Variants in GFM2 observed in about 807,000 individuals in gnomAD.
GFM2 encodes GTP dependent ribosome recycling factor mitochondrial 2.
GFM2 carries 72 observed loss-of-function variants against 95.4 expected under a neutral mutation model. The observed-to-expected ratio is 0.76, with a 90% CI of 0.62 to 0.92. GFM2 has a LOEUF of 0.92. Among genes scored for constraint, GFM2 ranks in the 40% least tolerant of loss-of-function variants. The pLI, the probability that GFM2 is intolerant of heterozygous loss-of-function variation, is 0.00. For synonymous variants in GFM2, 276 were observed against 317.5 expected (o/e 0.87, Z 1.39); for missense variants, 825 against 924.1 (o/e 0.89, Z 1.39).
intron 5 of GFM2, among the ~76,000 whole-genome samples, chr5:74,751,830 A>G (rs1300549659): frequency 6.6e-6 from 1 of 152,150 alleles, no homozygotes; most frequent in Non-Finnish European, 1.5e-5. Flanking sequence ...ATCCCTTGAT[A>G]GGAGGCCGAG....
chr5:74,738,443 T>C, intron 13 of GFM2, 26 bp from the exon 14 acceptor site: 1 of 1,610,886 alleles, frequency 6.2e-7, no homozygotes, highest in Non-Finnish European at 8.5e-7. Context: ...TTTATGTTAG[T>C]AAAAGTATTT....
In GFM2 at chr5:74,767,064, C is replaced by T; in HGVS notation, c.-151G>A. On this transcript the variant is annotated 5_prime_UTR_variant, in exon 1 of 21. Coordinates refer to ENST00000296805, the MANE Select transcript of GFM2 (RefSeq NM_032380.5). ...CCAGCCTAGGCAAAAGGCAATGTAT[C>T]TAAACGAAAAGAAAATAGGCTTTCT... 2.4e-6 allele frequency: 1 copy of T among 420,326 alleles called. No individual in the cohort carries two copies. The highest frequency in any genetic ancestry group is 4.4e-6 in the Non-Finnish European group (1 of 227,238). 26.0% of individuals were successfully genotyped at this position (420,326 alleles called of 1,614,324 possible).
chr5:74,726,258 G>A, intron 17 of GFM2, 132 bp from the exon 18 acceptor site: 1 of 605,022 alleles, frequency 1.7e-6, no homozygotes, highest in African/African-American at 1.9e-5. Flanking sequence ...ATTAACAATG[G>A]CACTAAATAC....
intron 3 of GFM2, among the ~76,000 whole-genome samples, chr5:74,760,387 TAG>T (rs1216418414): frequency 1.3e-5 from 2 of 152,164 alleles, no homozygotes; most frequent in African/African-American, 4.8e-5. Flanking sequence ...ACTAGTTTCA[TAG>T]AGTCTACCAT....
At chr5:74,748,927 T>TAAAATAATA (rs1561253889) in intron 7 of GFM2, among the ~76,000 whole-genome samples, 1 of 139,428 alleles carries the variant, frequency 7.2e-6, no homozygotes, top group Non-Finnish European at 1.5e-5. Context: ...TAAAAAAAAA[T>TAAAATAATA]AAAAAAAATA....
At chr5:74,734,226 G>A (rs985488182) in intron 15 of GFM2, among the ~76,000 whole-genome samples, 6 of 151,914 alleles carry the variant, frequency 3.9e-5, no homozygotes, top group Non-Finnish European at 8.8e-5. Context: ...GTGAAAAAAA[G>A]AATGTAAAAT....
chr5:74,748,708 T>G (rs1227608227), intron 7 of GFM2, among the ~76,000 whole-genome samples: 1 of 151,054 alleles, frequency 6.6e-6, no homozygotes, highest in Non-Finnish European at 1.5e-5. Flanking sequence ...CTACTAAAAA[T>G]ACAAAAATTA....
chr5:74,723,481 T>G (rs1472850276), intron 19 of GFM2, among the ~76,000 whole-genome samples: 2 of 152,152 alleles, frequency 1.3e-5, no homozygotes, highest in Non-Finnish European at 2.9e-5. Context: ...GCTGTAAGAT[T>G]TTTTTTGTTT....
At chr5:74,759,950 G>A in intron 3 of GFM2, among the ~76,000 whole-genome samples, 1 of 152,074 alleles carries the variant, frequency 6.6e-6, no homozygotes, top group East Asian at 1.9e-4. Context: ...TCACTGAATA[G>A]AAGCTATAAC....
chr5:74,743,730 A>G (rs1279586723), intron 10 of GFM2, among the ~76,000 whole-genome samples: 1 of 152,198 alleles, frequency 6.6e-6, no homozygotes, highest in African/African-American at 2.4e-5. Context: ...TATATCTTCT[A>G]TGCTCCCCAA....
Position 74,738,319 on chromosome 5 carries a change from T to A in GFM2, c.1319A>T (p.His440Leu), listed in dbSNP as rs779489724. 1 of 1,607,728 alleles carries A rather than the reference T, an allele frequency of 6.2e-7. No homozygotes were observed. The highest frequency in any genetic ancestry group is 1.7e-5 in the Admixed American group (1 of 59,058). ...GNIALTVGLK[H>L]TATGDTIVSS... ...TAGAGAAATCATTTGGTCACTTACA[T>A]GTTTAAGCCCAACAGTCAAAGCAAT... Residue 440 changes from histidine (H) to leucine (L), a missense_variant and splice_region_variant, in exon 14 of 21, where the codon CAT becomes CTT. Coordinates refer to ENST00000296805, the MANE Select transcript of GFM2 (RefSeq NM_032380.5).
Position 74,733,973 on chromosome 5 carries a change from C to CCT in GFM2, c.1511-877_1511-876dup, listed in dbSNP as rs577873001. ...TCAATTAACTGATAAGTATACTCTCCCTCTTTTTATAAAAGAAATATGTTA... is the reference window on the plus strand; with the variant it reads ...TCAATTAACTGATAAGTATACTCTCCCTCTCTTTTTATAAAAGAAATATGTTA... On this transcript the variant is annotated intron_variant, in intron 15 of 20. Transcript: ENST00000296805. Among the ~76,000 whole-genome samples, 385 of 152,142 alleles carry CCT rather than the reference C, an allele frequency of 2.5e-3. 1 individual carries two copies. Among genetic ancestry groups the CCT allele is most frequent in the African/African-American group, 9.0e-3 (373 of 41,464 alleles).
intron 7 of GFM2, among the ~76,000 whole-genome samples, chr5:74,748,071 T>C (rs1020812528): frequency 6.6e-6 from 1 of 152,230 alleles, no homozygotes; most frequent in African/African-American, 2.4e-5. Flanking sequence ...CTGAGAATCA[T>C]GGAAAGTGAA....
intron 15 of GFM2, chr5:74,736,324 T>C: frequency 1.0e-6 from 1 of 973,914 alleles, no homozygotes; most frequent in Non-Finnish European, 1.2e-6. Flanking sequence ...CTGAAAAAAA[T>C]CTGAGCTAAA....
intron 17 of GFM2, among the ~76,000 whole-genome samples, chr5:74,728,069 A>G (rs1422390066): frequency 6.6e-6 from 1 of 152,090 alleles, no homozygotes; most frequent in Non-Finnish European, 1.5e-5. Flanking sequence ...TAGACTTTTA[A>G]AAGTTCCACA....
At chr5:74,759,708 C>T (rs1744184736) in intron 3 of GFM2, among the ~76,000 whole-genome samples, 1 of 152,120 alleles carries the variant, frequency 6.6e-6, no homozygotes, top group Non-Finnish European at 1.5e-5. Flanking sequence ...ACTTCACTTC[C>T]ATTTACAAAA....
At chr5:74,753,026 C>T (rs1340777863) in intron 5 of GFM2, among the ~76,000 whole-genome samples, 1 of 152,168 alleles carries the variant, frequency 6.6e-6, no homozygotes, top group Non-Finnish European at 1.5e-5. Context: ...CCAAAAATCA[C>T]ACTAGCTCAC....
intron 12 of GFM2, among the ~76,000 whole-genome samples, chr5:74,739,447 T>G (rs1225560628): frequency 6.6e-6 from 1 of 152,186 alleles, no homozygotes; most frequent in Non-Finnish European, 1.5e-5. Flanking sequence ...GTACAAAGCC[T>G]GTGCTCTTCA....
intron 15 of GFM2, among the ~76,000 whole-genome samples, chr5:74,733,886 C>T (rs1396127299): frequency 3.3e-5 from 5 of 151,930 alleles, no homozygotes; most frequent in African/African-American, 9.7e-5. Flanking sequence ...ACAACCATTG[C>T]GAAAATAATG....
Sources: allele counts gnomAD v4.1 joint callset (sites outside exome capture counted in the v4.1 genomes callset), GRCh38; gene constraint gnomAD v4.1.1; transcripts MANE v1.5; gene names NCBI Gene and HGNC (gene_info 2026-07-23, HGNC 2026-07-21).